CWC27: variants seen among roughly 807,000 people sequenced by gnomAD.
CWC27 encodes the protein spliceosome-associated protein CWC27 homolog.
A neutral mutation model predicts 63.6 loss-of-function variants in CWC27; 47 were observed. That is an observed-to-expected ratio of 0.74 (90% CI 0.58 to 0.94). The LOEUF is 0.94. Ranked by LOEUF, CWC27 falls within the 40% of genes least tolerant of loss-of-function variation. CWC27 has a pLI of 0.00. For synonymous variants in CWC27, 175 were observed against 179.8 expected (o/e 0.97, Z 0.22); for missense variants, 495 against 554.3 (o/e 0.89, Z 1.07).
At chr5:64,796,460 G>C (rs896610976) in intron 7 of CWC27, among the ~76,000 whole-genome samples, 3 of 152,052 alleles carry the variant, frequency 2.0e-5, no homozygotes, top group African/African-American at 7.2e-5. Context: ...AGGCAGAATT[G>C]TTTCTTCCTT....
At chr5:64,800,864 A>G (rs1744462969) in intron 8 of CWC27, among the ~76,000 whole-genome samples, 1 of 152,162 alleles carries the variant, frequency 6.6e-6, no homozygotes, top group African/African-American at 2.4e-5. Context: ...CTGGGCCAGT[A>G]TCTCAAGGGG....
At position 64,890,657 on chromosome 5, in the gene CWC27, G is replaced by A. The variant is rs141343954; in HGVS notation, c.1042+5111G>A. Among the ~76,000 whole-genome samples the A allele has an allele frequency of 4.3e-3, 660 of 151,790 alleles. 2 individuals are homozygous for A. Among genetic ancestry groups the A allele is most frequent in the Non-Finnish European group, 7.8e-3 (533 of 67,954 alleles). ...ATTTACATAAAGTGAAAGTATATTT[G>A]CACTTGACTCATTGGATGCATCTCA... is the stretch of plus-strand genomic sequence containing the variant. On this transcript the variant is annotated intron_variant, in intron 11 of 13. Coordinates refer to ENST00000381070, the MANE Select transcript of CWC27 (RefSeq NM_005869.4).
intron 11 of CWC27, among the ~76,000 whole-genome samples, chr5:64,959,942 G>A (rs1477591222): frequency 6.6e-6 from 1 of 152,194 alleles, no homozygotes; most frequent in Non-Finnish European, 1.5e-5. Flanking sequence ...GTGTGCTTGG[G>A]AGCCACGAAG....
intron 10 of CWC27, among the ~76,000 whole-genome samples, chr5:64,872,705 A>G (rs1161883950): frequency 1.3e-5 from 2 of 152,236 alleles, no homozygotes; most frequent in Admixed American, 6.5e-5. Context: ...AAGAATTTAC[A>G]TAATGCTTAT....
chr5:64,833,191 G>A (rs182983238), intron 10 of CWC27, among the ~76,000 whole-genome samples: 138 of 151,868 alleles, frequency 9.1e-4, no homozygotes, highest in Non-Finnish European at 1.3e-3. Flanking sequence ...ATTTATGTAT[G>A]TATTCCATTG....
chr5:64,836,544 A>G (rs1745662018), intron 10 of CWC27, among the ~76,000 whole-genome samples: 1 of 151,944 alleles, frequency 6.6e-6, no homozygotes, highest in South Asian at 2.1e-4. Context: ...TGACCTTAAA[A>G]CAAAACAAAA....
At chr5:64,911,252 T>C (rs1747780092) in intron 11 of CWC27, among the ~76,000 whole-genome samples, 1 of 152,208 alleles carries the variant, frequency 6.6e-6, no homozygotes. Context: ...GGACTGTAGA[T>C]TGCTGTCCAG....
chr5:64,929,705 C>T (rs1748198349), intron 11 of CWC27, among the ~76,000 whole-genome samples: 1 of 151,486 alleles, frequency 6.6e-6, no homozygotes, highest in Non-Finnish European at 1.5e-5. Context: ...TTTAAGGTAA[C>T]GGAGGAACCA....
intron 11 of CWC27, among the ~76,000 whole-genome samples, chr5:64,949,507 C>A (rs1304045977): frequency 6.6e-6 from 1 of 151,974 alleles, no homozygotes; most frequent in South Asian, 2.1e-4. Context: ...CCAATACATT[C>A]TGTGTGTGGC....
At chr5:64,957,423 G>A (rs967138353) in intron 11 of CWC27, among the ~76,000 whole-genome samples, 1 of 152,116 alleles carries the variant, frequency 6.6e-6, no homozygotes, top group Non-Finnish European at 1.5e-5. Flanking sequence ...GAAGCACAAA[G>A]TGTGCTCTCT....
chr5:64,914,458 A>G (rs982377546), intron 11 of CWC27, among the ~76,000 whole-genome samples: 4 of 152,150 alleles, frequency 2.6e-5, no homozygotes, highest in African/African-American at 7.2e-5. Context: ...TAACCCAAAG[A>G]AAAACGGGCA....
At chr5:64,889,930 C>G (rs926255194) in intron 11 of CWC27, among the ~76,000 whole-genome samples, 4 of 152,074 alleles carry the variant, frequency 2.6e-5, no homozygotes, top group African/African-American at 9.7e-5. Context: ...GAGTTGGTTT[C>G]CTGTCTTGGC....
intron 13 of CWC27, among the ~76,000 whole-genome samples, chr5:65,006,080 G>A (rs1390432316): frequency 6.6e-6 from 1 of 150,544 alleles, no homozygotes; most frequent in Non-Finnish European, 1.5e-5. Flanking sequence ...TGTGTTGCTT[G>A]TGATTTCTTA....
chr5:64,772,896 C>T (rs529984608), intron 1 of CWC27, among the ~76,000 whole-genome samples: 2 of 150,934 alleles, frequency 1.3e-5, no homozygotes, highest in South Asian at 4.2e-4. Context: ...GAGATCGTGC[C>T]GTTGCACTCC....
At chr5:64,805,517 T>A (rs1744638989) in intron 10 of CWC27, among the ~76,000 whole-genome samples, 2 of 151,880 alleles carry the variant, frequency 1.3e-5, no homozygotes, top group African/African-American at 4.8e-5. Flanking sequence ...AATGTTTTAT[T>A]CCTCTCATTC....
intron 11 of CWC27, among the ~76,000 whole-genome samples, chr5:64,930,169 A>C (rs1748210983): frequency 6.6e-6 from 1 of 152,188 alleles, no homozygotes; most frequent in Admixed American, 6.5e-5. Context: ...GGCAGATCCA[A>C]ATTTGTAGAG....
intron 13 of CWC27, among the ~76,000 whole-genome samples, chr5:64,997,091 G>A (rs1749647728): frequency 6.6e-6 from 1 of 152,054 alleles, no homozygotes. Flanking sequence ...ATTATTTGAA[G>A]AATTAAAATT....
At chr5:64,780,487 ATG>A (rs1178804168) in intron 2 of CWC27, among the ~76,000 whole-genome samples, 3 of 148,972 alleles carry the variant, frequency 2.0e-5, no homozygotes, top group African/African-American at 7.3e-5. Flanking sequence ...ATATAAATAT[ATG>A]ATGTTTTGTA....
At chr5:64,806,070 C>A (rs1182020472) in intron 10 of CWC27, among the ~76,000 whole-genome samples, 2 of 145,926 alleles carry the variant, frequency 1.4e-5, no homozygotes, top group Non-Finnish European at 3.0e-5. Context: ...GGCTATTATA[C>A]AAAATACCAT....
Sources: gnomAD v4.1 joint callset for allele counts (sites outside exome capture counted in the v4.1 genomes callset) on GRCh38, gnomAD v4.1.1 for gene constraint, MANE v1.5 for transcripts, NCBI Gene and HGNC (gene_info 2026-07-23, HGNC 2026-07-21) for gene names.